Variants in ATP6V1C2 observed in about 807,000 individuals in gnomAD.
The protein encoded by ATP6V1C2 is V-type proton ATPase subunit C 2.
In ATP6V1C2, 45 loss-of-function variants were observed where a neutral mutation model predicts 56.8. The ratio of observed to expected loss-of-function variants is 0.79; its 90% confidence interval spans 0.62 to 1.02. The LOEUF (loss-of-function observed/expected upper bound fraction) is 1.02. Ranked by LOEUF, ATP6V1C2 falls within the 50% of genes least tolerant of loss-of-function variation. The pLI is 0.00. For missense variants in ATP6V1C2, 463 were observed against 519.7 expected (o/e 0.89, Z 1.06); for synonymous variants, 220 against 201.3 (o/e 1.09, Z -0.79).
chr2:10,782,329 CTG>C lies in ATP6V1C2; in HGVS notation c.1150_1151del (p.Val384LeufsTer6). 1.9e-6 allele frequency: 3 copies of C among 1,614,226 alleles called. No homozygotes were observed. The highest frequency in any genetic ancestry group is 2.2e-5 in the East Asian group (1 of 44,886). On this transcript the variant is annotated frameshift_variant, in exon 13 of 14. Coordinates refer to ENST00000272238, the MANE Select transcript of ATP6V1C2 (RefSeq NM_001039362.2). LOFTEE classifies it high-confidence loss of function. Reference sequence around the variant, plus strand: ...AAGCGTTTAAGAGAGGTTCTAAACTCTGTCTTCCGACATCTGGATGAAGTAGC... The same window carrying C: ...AAGCGTTTAAGAGAGGTTCTAAACTCTCTTCCGACATCTGGATGAAGTAGC...
intron 6 of ATP6V1C2, 57 bp downstream of exon 6, chr2:10,768,867 G>A (rs1049267832): frequency 2.8e-5 from 41 of 1,452,346 alleles, no homozygotes; most frequent in East Asian, 1.4e-4. Context: ...GGGGCTTAGC[G>A]CTTGCCTGTC....
At chr2:10,726,771 A>C (rs749005863) in intron 3 of ATP6V1C2, among the ~76,000 whole-genome samples, 5 of 152,162 alleles carry the variant, frequency 3.3e-5, no homozygotes, top group African/African-American at 1.2e-4. Context: ...TGTCTGCTGG[A>C]GGCAGCACTT....
In ATP6V1C2 at chr2:10,779,117, T is replaced by A. The variant is rs546720979; in HGVS notation, c.1061+448T>A. ...AAGCTTATTTTGCCTTTTTTTTTTT[T>A]ATTTGAGATGGAGTTTCACTCTTGT... On this transcript the variant is annotated intron_variant, in intron 12 of 13. Transcript: ENST00000272238. Among the ~76,000 whole-genome samples the A allele has an allele frequency of 1.1e-3, 159 of 151,270 alleles. 1 individual carries two copies. Among genetic ancestry groups the A allele is most frequent in the African/African-American group, 3.5e-3 (143 of 41,032 alleles).
At chr2:10,781,393 G>A (rs867000263) in intron 12 of ATP6V1C2, among the ~76,000 whole-genome samples, 3 of 152,096 alleles carry the variant, frequency 2.0e-5, no homozygotes, top group Non-Finnish European at 4.4e-5. Flanking sequence ...CAGGAGAATC[G>A]GTTGAACCCA....
Position 10,750,678 on chromosome 2 carries a change from A to G in ATP6V1C2, c.198-3303A>G, listed in dbSNP as rs574328687. On this transcript the variant is annotated intron_variant, in intron 3 of 13. Transcript: ENST00000272238. ...GAATTCATTGATTCATTCGGCAGAC[A>G]TTGCTGAGCAGCTGCTGTGAGTCAG... Among the ~76,000 whole-genome samples, 4 of 152,342 alleles carry G rather than the reference A, an allele frequency of 2.6e-5. No homozygotes were observed. In the East Asian group the frequency reaches 7.7e-4, roughly 29 times the overall value.
At chr2:10,775,990 C>T (rs1470003508) in intron 10 of ATP6V1C2, among the ~76,000 whole-genome samples, 1 of 152,100 alleles carries the variant, frequency 6.6e-6, no homozygotes, top group Non-Finnish European at 1.5e-5. Context: ...TGGCCGCGGG[C>T]AGGCTGGGAG....
chr2:10,753,831 G>A, intron 3 of ATP6V1C2, 150 bp from the exon 4 acceptor site: 1 of 655,226 alleles, frequency 1.5e-6, no homozygotes, highest in Non-Finnish European at 2.7e-6. Context: ...ACTGTGCCCG[G>A]CCGCTATTGG....
In ATP6V1C2 at chr2:10,735,435, A is replaced by G. The variant is rs534449921; in HGVS notation, c.197+8866A>G. Among the ~76,000 whole-genome samples, 7 of 152,250 alleles carry G rather than the reference A, an allele frequency of 4.6e-5. No individual in the cohort carries two copies. In the South Asian group the frequency reaches 1.0e-3, roughly 23 times the overall value. ...TCTGCCCACCCCGTCGGCCTCCCCA[A>G]GTGCTGGGATTACAGGTGTGAACTG... On this transcript the variant is annotated intron_variant, in intron 3 of 13. Transcript: ENST00000272238.
rs190282727 is a variant in ATP6V1C2 at position 10,739,835 on chromosome 2, C to T, written c.197+13266C>T. Among the ~76,000 whole-genome samples, 210 of 152,240 alleles carry T rather than the reference C, an allele frequency of 1.4e-3. 1 individual carries two copies. Among genetic ancestry groups the T allele is most frequent in the Admixed American group, 3.5e-3 (54 of 15,280 alleles). On this transcript the variant is annotated intron_variant, in intron 3 of 13. Transcript: ENST00000272238. ...TTACCAATGGTCGGGCACAGTGGCT[C>T]ATGCCTGTAATCCCAGCAGTTTAGG...
At chr2:10,741,902 CCTTCCT>C (rs1402201178) in intron 3 of ATP6V1C2, among the ~76,000 whole-genome samples, 4 of 149,298 alleles carry the variant, frequency 2.7e-5, no homozygotes, top group African/African-American at 7.4e-5. Flanking sequence ...CTCCTTCCTT[CCTTCCT>C]TCCTTCCTTC....
intron 5 of ATP6V1C2, among the ~76,000 whole-genome samples, 196 bp from the exon 6 acceptor site, chr2:10,768,523 A>G (rs111630490): frequency 3.2e-4 from 48 of 152,342 alleles, no homozygotes; most frequent in African/African-American, 1.0e-3. Flanking sequence ...TAGAAAATCC[A>G]TCATGGCTTG....
At chr2:10,730,898 C>A (rs543690386) in intron 3 of ATP6V1C2, among the ~76,000 whole-genome samples, 1 of 152,152 alleles carries the variant, frequency 6.6e-6, no homozygotes, top group Admixed American at 6.5e-5. Context: ...GGTGATCCAC[C>A]CACCTTGGCC....
chr2:10,759,691 C>T (rs1049039575), intron 4 of ATP6V1C2, among the ~76,000 whole-genome samples: 1 of 152,018 alleles, frequency 6.6e-6, no homozygotes, highest in Non-Finnish European at 1.5e-5. Context: ...TACAGAAGGC[C>T]GGAGGGGCTG....
intron 3 of ATP6V1C2, among the ~76,000 whole-genome samples, chr2:10,747,487 G>A (rs988490053): frequency 6.6e-6 from 1 of 152,014 alleles, no homozygotes; most frequent in Admixed American, 6.6e-5. Context: ...TATAACTTTA[G>A]TATGATGATC....
intron 3 of ATP6V1C2, among the ~76,000 whole-genome samples, chr2:10,738,188 T>G (rs1206805719): frequency 6.6e-6 from 1 of 152,238 alleles, no homozygotes; most frequent in Non-Finnish European, 1.5e-5. Context: ...AGCTGCCTAG[T>G]GTCAGGCCTT....
intron 2 of ATP6V1C2, 36 bp from the exon 3 acceptor site, chr2:10,726,466 A>G (rs1661645192): frequency 6.4e-7 from 1 of 1,563,668 alleles, no homozygotes. Context: ...TTGGCCAGAA[A>G]CCTGTGAGCC....
intron 5 of ATP6V1C2, 119 bp from the exon 6 acceptor site, chr2:10,768,600 A>C (rs1664379704): frequency 1.2e-6 from 1 of 822,774 alleles, no homozygotes; most frequent in South Asian, 1.6e-5. Flanking sequence ...CCATCCCAGC[A>C]AATGGGCAGG....
At position 10,784,260 on chromosome 2, in the gene ATP6V1C2, A is replaced by T. The variant is rs1359124387; in HGVS notation, c.*997A>T. 9 of 1,611,952 alleles carry T rather than the reference A, an allele frequency of 5.6e-6. No individual in the cohort carries two copies. The highest frequency in any genetic ancestry group is 5.9e-6 in the Non-Finnish European group (7 of 1,179,100). ...GTCTGAAGCCTCTGTTGTGGCTCTCACAACTCATCTTTCCCTAAGTCATCA... is the reference window on the plus strand; with the variant it reads ...GTCTGAAGCCTCTGTTGTGGCTCTCTCAACTCATCTTTCCCTAAGTCATCA... On this transcript the variant is annotated 3_prime_UTR_variant, in exon 14 of 14. Coordinates refer to ENST00000272238, the MANE Select transcript of ATP6V1C2 (RefSeq NM_001039362.2).
rs538785617 is a variant in ATP6V1C2, at chr2:10,746,841, T to C, written c.198-7140T>C. Among the ~76,000 whole-genome samples, 388 of 152,372 alleles carry C rather than the reference T, an allele frequency of 2.5e-3. 6 individuals carry two copies. Among genetic ancestry groups the C allele is most frequent in the Non-Finnish European group, 4.0e-3 (269 of 68,040 alleles). ...GAAGATAATAGCCAGTGTCAACAGTTTGGTTTCTTTTCTTTTAGGATTCTT... is the reference window on the plus strand; with the variant it reads ...GAAGATAATAGCCAGTGTCAACAGTCTGGTTTCTTTTCTTTTAGGATTCTT... On this transcript the variant is annotated intron_variant, in intron 3 of 13. Coordinates refer to ENST00000272238, the MANE Select transcript of ATP6V1C2 (RefSeq NM_001039362.2).
Sources: allele counts gnomAD v4.1 joint callset (sites outside exome capture counted in the v4.1 genomes callset), GRCh38; gene constraint gnomAD v4.1.1; transcripts MANE v1.5; gene names NCBI Gene and HGNC (gene_info 2026-07-23, HGNC 2026-07-21).